TSPAN5: variants seen among roughly 807,000 people sequenced by gnomAD.
The protein encoded by TSPAN5 is tetraspanin 5.
A neutral mutation model predicts 37.1 loss-of-function variants in TSPAN5; 10 were observed. The observed-to-expected ratio is 0.27, with a 90% CI of 0.17 to 0.46. The LOEUF (loss-of-function observed/expected upper bound fraction) is 0.46, where lower values mean the gene tolerates loss of function less well. TSPAN5 is among the 20% of genes least tolerant of loss of function. The probability of loss-of-function intolerance (pLI) is 1.00; values close to 1 mark genes in which losing one functional copy is unlikely to be tolerated. For missense variants in TSPAN5, 195 were observed against 326.6 expected, an observed-to-expected ratio of 0.60 and a Z score of 3.11; for synonymous variants, 110 against 118.9, an observed-to-expected ratio of 0.93 and a Z score of 0.48.
At chr4:98,577,028 T>TG (rs572753792) in intron 1 of TSPAN5, among the ~76,000 whole-genome samples, 46 of 152,208 alleles carry the variant, frequency 3.0e-4, no homozygotes, top group Middle Eastern at 3.2e-3. Context: ...CCCAAAGTGC[T>TG]GGGATTGCAG....
Position 98,476,050 on chromosome 4 carries a change from C to T in TSPAN5, c.741+139G>A, listed in dbSNP as rs774089772. ...GAATAAAATAAAACACAAACCAAAT[C>T]GTTTAGGTCTGTTCCTCAGCCCTCC... On this transcript the variant is annotated intron_variant, in intron 7 of 7. Coordinates refer to ENST00000305798, the MANE Select transcript of TSPAN5 (RefSeq NM_005723.4). The T allele has an allele frequency of 1.9e-5, 9 of 481,046 alleles. No homozygotes were observed. In the South Asian group the frequency reaches 2.0e-4, roughly 11 times the overall value. 29.8% of individuals were successfully genotyped at this position (481,046 alleles called of 1,614,324 possible).
At chr4:98,641,298 C>A (rs1756958880) in intron 1 of TSPAN5, among the ~76,000 whole-genome samples, 1 of 152,144 alleles carries the variant, frequency 6.6e-6, no homozygotes, top group African/African-American at 2.4e-5. Flanking sequence ...ACAGAACCTT[C>A]AAACACCTAA....
intron 1 of TSPAN5, among the ~76,000 whole-genome samples, chr4:98,605,786 GT>G (rs748234506): frequency 1.3e-5 from 2 of 152,154 alleles, no homozygotes; most frequent in Non-Finnish European, 1.5e-5. Flanking sequence ...TATAGTTAAT[GT>G]GTTTTTGATA....
chr4:98,571,204 A>G (rs1229723774), intron 1 of TSPAN5, among the ~76,000 whole-genome samples: 1 of 152,088 alleles, frequency 6.6e-6, no homozygotes, highest in Non-Finnish European at 1.5e-5. Context: ...ACAAAAGCAA[A>G]ACCAGACAGC....
At chr4:98,651,864 CTTTTTTTTTT>C (rs552597633) in intron 1 of TSPAN5, among the ~76,000 whole-genome samples, 1 of 95,242 alleles carries the variant, frequency 1.0e-5, no homozygotes, top group Non-Finnish European at 2.0e-5. Flanking sequence ...CTTCAACATA[CTTTTTTTTTT>C]TTTTTTTTTT....
At chr4:98,627,072 G>A (rs1056836116) in intron 1 of TSPAN5, among the ~76,000 whole-genome samples, 2 of 152,064 alleles carry the variant, frequency 1.3e-5, no homozygotes, top group Non-Finnish European at 2.9e-5. Flanking sequence ...GGGGCAGAGC[G>A]CCTAGCTCTC....
intron 1 of TSPAN5, among the ~76,000 whole-genome samples, chr4:98,644,241 C>T (rs1757016237): frequency 6.6e-6 from 1 of 152,034 alleles, no homozygotes; most frequent in Non-Finnish European, 1.5e-5. Context: ...GGAAGAAATG[C>T]TTAAAAGCCA....
At chr4:98,616,280 T>C (rs1024933527) in intron 1 of TSPAN5, among the ~76,000 whole-genome samples, 6 of 152,014 alleles carry the variant, frequency 3.9e-5, no homozygotes, top group African/African-American at 1.4e-4. Flanking sequence ...GGTGACCCCT[T>C]ATGAAGAAAA....
chr4:98,624,247 C>T (rs1362638243), intron 1 of TSPAN5, among the ~76,000 whole-genome samples: 2 of 151,434 alleles, frequency 1.3e-5, no homozygotes, highest in African/African-American at 4.9e-5. Flanking sequence ...TTTAGAAACA[C>T]AGAATTGAAA....
At chr4:98,635,869 A>C (rs1579046800) in intron 1 of TSPAN5, among the ~76,000 whole-genome samples, 1 of 152,228 alleles carries the variant, frequency 6.6e-6, no homozygotes, top group East Asian at 1.9e-4. Flanking sequence ...AAAGAGCTAT[A>C]AGGAATATAT....
At position 98,539,940 on chromosome 4, in the gene TSPAN5, C is replaced by T. The variant is rs532243921; in HGVS notation, c.82-32212G>A. ...CCATGCTGTGGGCAGCTCCATGAGG[C>T]GGCCCATATGGCAAGAACTGAAGTC... On this transcript the variant is annotated intron_variant, in intron 1 of 7. Transcript: ENST00000305798. 6.6e-5 allele frequency among the ~76,000 whole-genome samples: 10 copies of T among 152,254 alleles called. No homozygotes were observed. In the South Asian group the frequency reaches 1.2e-3, roughly 19 times the overall value.
chr4:98,629,852 C>G (rs1393898787), intron 1 of TSPAN5, among the ~76,000 whole-genome samples: 1 of 152,174 alleles, frequency 6.6e-6, no homozygotes, highest in Non-Finnish European at 1.5e-5. Context: ...GAATGAAGAT[C>G]AAATGGGTTA....
At chr4:98,657,154 A>G (rs1261679133) in intron 1 of TSPAN5, among the ~76,000 whole-genome samples, 1 of 152,192 alleles carries the variant, frequency 6.6e-6, no homozygotes, top group Non-Finnish European at 1.5e-5. Flanking sequence ...CTTGTCCTGG[A>G]GAACTCTTTG....
At chr4:98,657,239 C>G (rs1757311692) in intron 1 of TSPAN5, among the ~76,000 whole-genome samples, 1 of 152,102 alleles carries the variant, frequency 6.6e-6, no homozygotes. Context: ...AGTAGGCGTC[C>G]CAGCCTAATT....
intron 2 of TSPAN5, among the ~76,000 whole-genome samples, chr4:98,499,649 T>G (rs1029396782): frequency 6.7e-6 from 1 of 149,704 alleles, no homozygotes; most frequent in Non-Finnish European, 1.5e-5. Flanking sequence ...GCTGTTTGGT[T>G]TCCAGCTCTT....
intron 1 of TSPAN5, among the ~76,000 whole-genome samples, chr4:98,626,810 GT>G (rs1345859076): frequency 6.7e-6 from 1 of 148,242 alleles, no homozygotes; most frequent in East Asian, 2.0e-4. Flanking sequence ...ATGATCTAAT[GT>G]ACTTGCTGTT....
At chr4:98,656,638 C>T (rs1757300365) in intron 1 of TSPAN5, among the ~76,000 whole-genome samples, 1 of 152,076 alleles carries the variant, frequency 6.6e-6, no homozygotes, top group Non-Finnish European at 1.5e-5. Flanking sequence ...ACAACACTGG[C>T]AAAAAACTGC....
At chr4:98,537,040 G>A (rs959828700) in intron 1 of TSPAN5, among the ~76,000 whole-genome samples, 8 of 152,308 alleles carry the variant, frequency 5.3e-5, no homozygotes, top group Admixed American at 5.2e-4. Flanking sequence ...TGCTACTGGG[G>A]TATGGAAAAA....
rs576852948 is a variant in TSPAN5, at chr4:98,533,543, CTTTTTTTTT to C, written c.82-25824_82-25816del. On this transcript the variant is annotated intron_variant, in intron 1 of 7. Transcript: ENST00000305798. ...GGATTGGTGGTGATATCCCCTATAT[CTTTTTTTTT>C]TTTTTTTTTTTTTCTTGAGACAGAG... Among the ~76,000 whole-genome samples the C allele has an allele frequency of 1.4e-4, 8 of 58,584 alleles. 1 individual carries two copies. Among genetic ancestry groups the C allele is most frequent in the South Asian group, 1.3e-3 (1 of 748 alleles). 38.4% of individuals were successfully genotyped at this position (58,584 alleles called of 152,430 possible). A position where few individuals can be genotyped will look rare whatever the true frequency, so the allele number is the denominator to read the frequency against.
Sources: allele counts gnomAD v4.1 joint callset (sites outside exome capture counted in the v4.1 genomes callset), GRCh38; gene constraint gnomAD v4.1.1; transcripts MANE v1.5; gene names NCBI Gene and HGNC (gene_info 2026-07-23, HGNC 2026-07-21).